RBMS3: variants seen among roughly 807,000 people sequenced by gnomAD.
RBMS3 encodes RNA-binding motif, single-stranded-interacting protein 3.
In RBMS3, 27 loss-of-function variants were observed where a neutral mutation model predicts 66.8. The ratio of observed to expected loss-of-function variants is 0.40; its 90% confidence interval spans 0.30 to 0.56. The LOEUF is 0.56. RBMS3 is among the 20% of genes least tolerant of loss of function. RBMS3 has a pLI of 0.40. For missense variants in RBMS3, 513 were observed against 549.5 expected (o/e 0.93, Z 0.66); for synonymous variants, 188 against 183.0 (o/e 1.03, Z -0.22).
intron 3 of RBMS3, among the ~76,000 whole-genome samples, chr3:29,533,509 G>T (rs1166677432): frequency 1.3e-5 from 2 of 151,846 alleles, no homozygotes; most frequent in Non-Finnish European, 2.9e-5. Flanking sequence ...CGGCATGGTG[G>T]CTCACACCTG....
intron 1 of RBMS3, among the ~76,000 whole-genome samples, chr3:29,353,376 T>C (rs2037038067): frequency 6.6e-6 from 1 of 151,990 alleles, no homozygotes; most frequent in South Asian, 2.1e-4. Flanking sequence ...TTTTTTATTA[T>C]TAATATTAGA....
intron 1 of RBMS3, among the ~76,000 whole-genome samples, chr3:29,282,672 G>A (rs2031913742): frequency 6.6e-6 from 1 of 152,060 alleles, no homozygotes; most frequent in Non-Finnish European, 1.5e-5. Context: ...TGACCACCTC[G>A]AGTGTACGGG....
intron 4 of RBMS3, among the ~76,000 whole-genome samples, chr3:29,703,980 C>T (rs1190495216): frequency 1.3e-5 from 2 of 152,178 alleles, no homozygotes; most frequent in African/African-American, 4.8e-5. Flanking sequence ...GTGAACTGCA[C>T]ATGCAAGAGG....
At chr3:29,285,614 C>T (rs148903803) in intron 1 of RBMS3, among the ~76,000 whole-genome samples, 45 of 152,202 alleles carry the variant, frequency 3.0e-4, no homozygotes, top group Non-Finnish European at 5.7e-4. Flanking sequence ...TGGACCCAAA[C>T]AGAATTTCTT....
intron 1 of RBMS3, among the ~76,000 whole-genome samples, chr3:29,397,401 A>T (rs1252258898): frequency 6.6e-6 from 1 of 152,142 alleles, no homozygotes; most frequent in Admixed American, 6.5e-5. Context: ...ATGTAAATTC[A>T]CATCAATTAG....
intron 6 of RBMS3, among the ~76,000 whole-genome samples, chr3:29,799,211 A>C (rs2057312757): frequency 6.6e-6 from 1 of 152,198 alleles, no homozygotes; most frequent in African/African-American, 2.4e-5. Flanking sequence ...CAGATGGTCA[A>C]ATCAATTCAA....
intron 1 of RBMS3, among the ~76,000 whole-genome samples, chr3:29,369,802 G>T (rs1479471977): frequency 6.6e-6 from 1 of 152,070 alleles, no homozygotes; most frequent in Non-Finnish European, 1.5e-5. Flanking sequence ...TCCCAAATTG[G>T]TGATAGGTGG....
At chr3:29,816,507 C>A (rs1042701729) in intron 6 of RBMS3, among the ~76,000 whole-genome samples, 1 of 151,530 alleles carries the variant, frequency 6.6e-6, no homozygotes, top group Admixed American at 6.6e-5. Context: ...ATAAAACCAA[C>A]TTTTTTTTTG....
chr3:29,289,756 A>G (rs948933036), intron 1 of RBMS3, among the ~76,000 whole-genome samples: 1 of 151,856 alleles, frequency 6.6e-6, no homozygotes, highest in African/African-American at 2.4e-5. Flanking sequence ...AAATCTAACA[A>G]TATTTTAAGT....
intron 14 of RBMS3, 118 bp downstream of exon 14, chr3:29,991,327 CATTT>C: frequency 2.0e-6 from 3 of 1,501,056 alleles, no homozygotes; most frequent in Middle Eastern, 3.7e-4. Context: ...TAGCAACAGG[CATTT>C]ATTTAGCTCA....
At chr3:29,422,072 A>C (rs1391803112) in intron 1 of RBMS3, among the ~76,000 whole-genome samples, 1 of 152,202 alleles carries the variant, frequency 6.6e-6, no homozygotes, top group Non-Finnish European at 1.5e-5. Context: ...AATGGTTAAC[A>C]GTGTTCTGAG....
intron 8 of RBMS3, among the ~76,000 whole-genome samples, chr3:29,893,135 G>T (rs770616183): frequency 2.6e-5 from 4 of 151,312 alleles, no homozygotes; most frequent in Admixed American, 6.6e-5. Context: ...AGATCAAGAC[G>T]GTATGCCGAT....
At chr3:29,771,585 T>A (rs2056201109) in intron 6 of RBMS3, among the ~76,000 whole-genome samples, 1 of 152,024 alleles carries the variant, frequency 6.6e-6, no homozygotes, top group Admixed American at 6.6e-5. Flanking sequence ...GGAATTAAGG[T>A]TGCTAATAAA....
intron 4 of RBMS3, among the ~76,000 whole-genome samples, chr3:29,729,379 G>C (rs995933040): frequency 6.6e-6 from 1 of 152,038 alleles, no homozygotes; most frequent in African/African-American, 2.4e-5. Context: ...TCTTAATCCT[G>C]TCTATCATTG....
At chr3:29,902,267 A>G (rs1332270866) in intron 10 of RBMS3, among the ~76,000 whole-genome samples, 1 of 151,902 alleles carries the variant, frequency 6.6e-6, no homozygotes, top group Non-Finnish European at 1.5e-5. Flanking sequence ...TCTTAAAATA[A>G]TTTCTGGAAA....
At chr3:29,899,561 CT>C in intron 9 of RBMS3, 143 bp from the exon 10 acceptor site, 1 of 608,906 alleles carries the variant, frequency 1.6e-6, no homozygotes, top group Non-Finnish European at 2.8e-6. Context: ...CAAGAATTCC[CT>C]TTTTACCCTT....
intron 1 of RBMS3, among the ~76,000 whole-genome samples, chr3:29,384,311 G>A (rs2125629784): frequency 6.6e-6 from 1 of 152,036 alleles, no homozygotes; most frequent in South Asian, 2.1e-4. Context: ...GTGAGACTCT[G>A]TCTCAGGAAA....
At chr3:29,739,328 C>T (rs13084530) in intron 4 of RBMS3, among the ~76,000 whole-genome samples, 2,467 of 151,912 alleles carry the variant, frequency 0.016, 30 homozygotes, top group Admixed American at 0.031. Context: ...TGGTGGCGGG[C>T]GCCTGTAGTC....
At chr3:29,568,967 A>G (rs1232374155) in intron 3 of RBMS3, among the ~76,000 whole-genome samples, 3 of 152,168 alleles carry the variant, frequency 2.0e-5, no homozygotes, top group East Asian at 1.9e-4. Flanking sequence ...TTTAATGTGC[A>G]TATGGCTTTC....
Sources: gnomAD v4.1 joint callset for allele counts (sites outside exome capture counted in the v4.1 genomes callset) on GRCh38, gnomAD v4.1.1 for gene constraint, MANE v1.5 for transcripts, NCBI Gene and HGNC (gene_info 2026-07-23, HGNC 2026-07-21) for gene names.